Variants in ENPP2 observed in about 807,000 individuals in gnomAD.
The protein encoded by ENPP2 is ectonucleotide pyrophosphatase/phosphodiesterase 2, also known as autotaxin.
A neutral mutation model predicts 120.2 loss-of-function variants in ENPP2; 51 were observed. The ratio of observed to expected loss-of-function variants is 0.42; its 90% CI spans 0.34 to 0.54. The LOEUF (loss-of-function observed/expected upper bound fraction) is 0.54. ENPP2 is among the 20% of genes least tolerant of loss of function. ENPP2 has a pLI of 0.04. For missense variants in ENPP2, 920 were observed against 1,066.5 expected (o/e 0.86, Z 1.91); for synonymous variants, 365 against 366.4 (o/e 1.00, Z 0.04).
chr8:119,618,513 C>T (rs1042316166), intron 5 of ENPP2: 2 of 341,814 alleles, frequency 5.9e-6, no homozygotes, highest in South Asian at 2.3e-5. Context: ...TATAAAGGTT[C>T]CCATTCAGAA....
intron 21 of ENPP2, 101 bp downstream of exon 21, chr8:119,569,134 C>A: frequency 1.8e-6 from 2 of 1,127,514 alleles, no homozygotes; most frequent in Non-Finnish European, 2.6e-6. Flanking sequence ...CTTCTGAGCA[C>A]CCTCTCTTGA....
chr8:119,573,550 C>T (rs751365027), intron 19 of ENPP2, among the ~76,000 whole-genome samples: 4 of 152,032 alleles, frequency 2.6e-5, no homozygotes, highest in East Asian at 1.9e-4. Context: ...TAGTGGCTCA[C>T]GCCTGTAAGC....
intron 2 of ENPP2, among the ~76,000 whole-genome samples, chr8:119,636,273 C>G (rs1816995132): frequency 6.6e-6 from 1 of 152,154 alleles, no homozygotes. Flanking sequence ...CATTTAAACG[C>G]ATAAAGATAT....
At chr8:119,664,218 A>G (rs1158879280) in intron 1 of ENPP2, among the ~76,000 whole-genome samples, 1 of 151,932 alleles carries the variant, frequency 6.6e-6, no homozygotes, top group Admixed American at 6.6e-5. Context: ...GAGAAGGAAG[A>G]TGATATTTGA....
intron 10 of ENPP2, 88 bp from the exon 11 acceptor site, chr8:119,600,838 A>C (rs1814248931): frequency 1.2e-6 from 1 of 827,590 alleles, no homozygotes; most frequent in Non-Finnish European, 2.0e-6. Flanking sequence ...ATTTAAAAAA[A>C]AATGTTCTCA....
upstream of ENPP2, among the ~76,000 whole-genome samples, chr8:119,641,128 T>C (rs1206935340): frequency 6.6e-6 from 1 of 152,164 alleles, no homozygotes; most frequent in Non-Finnish European, 1.5e-5. Flanking sequence ...CATGTTAACA[T>C]GAACACATAC....
intron 1 of ENPP2, among the ~76,000 whole-genome samples, chr8:119,649,518 G>C (rs1817569384): frequency 6.6e-6 from 1 of 152,134 alleles, no homozygotes; most frequent in African/African-American, 2.4e-5. Context: ...AACCATTAGA[G>C]AGAATCACTG....
At chr8:119,631,019 C>A (rs1210346112) in intron 2 of ENPP2, among the ~76,000 whole-genome samples, 4 of 148,676 alleles carry the variant, frequency 2.7e-5, no homozygotes, top group African/African-American at 9.9e-5. Flanking sequence ...CTCAGCCTCC[C>A]GAGTAGCTGG....
At chr8:119,656,457 A>T (rs911301065) in intron 1 of ENPP2, among the ~76,000 whole-genome samples, 2 of 152,156 alleles carry the variant, frequency 1.3e-5, no homozygotes, top group Non-Finnish European at 2.9e-5. Flanking sequence ...AACAACTACC[A>T]TGTACCAAGA....
At chr8:119,660,261 C>T (rs920834371) in intron 1 of ENPP2, among the ~76,000 whole-genome samples, 5 of 152,200 alleles carry the variant, frequency 3.3e-5, no homozygotes, top group Non-Finnish European at 7.3e-5. Flanking sequence ...GTCTTGTGGA[C>T]CACATGTCAA....
At chr8:119,587,126 G>A (rs372734390) in intron 13 of ENPP2, 51 bp from the exon 14 acceptor site, 39 of 1,479,878 alleles carry the variant, frequency 2.6e-5, no homozygotes, top group Middle Eastern at 1.7e-4. Context: ...CCATTACCAA[G>A]AGAAATCATT....
At chr8:119,562,473 C>G (rs1302872029) in intron 24 of ENPP2, among the ~76,000 whole-genome samples, 1 of 152,088 alleles carries the variant, frequency 6.6e-6, no homozygotes, top group Non-Finnish European at 1.5e-5. Flanking sequence ...TTTAAACATC[C>G]AGAAAAGTGA....
chr8:119,665,687 T>C (rs2130906527), intron 1 of ENPP2, among the ~76,000 whole-genome samples: 1 of 152,348 alleles, frequency 6.6e-6, no homozygotes, highest in Middle Eastern at 3.4e-3. Flanking sequence ...TTTATAGGAC[T>C]AATAAGTATA....
chr8:119,587,372 G>T (rs780745749), intron 13 of ENPP2, among the ~76,000 whole-genome samples: 7 of 152,130 alleles, frequency 4.6e-5, no homozygotes, highest in Non-Finnish European at 1.0e-4. Context: ...ATTGCTTCTT[G>T]TTTTAAGTTC....
At chr8:119,568,306 TA>T (rs5894486) in intron 21 of ENPP2, 54 bp from the exon 22 acceptor site, 1,872 of 680,632 alleles carry the variant, frequency 2.8e-3, no homozygotes, top group South Asian at 3.4e-3. Context: ...CTATATCAGT[TA>T]AAAAAAAAAG....
At position 119,655,445 on chromosome 8, in the gene ENPP2, ACT is replaced by A. The variant is rs141714538; in HGVS notation, c.22-16920_22-16919del. 6.8e-3 allele frequency among the ~76,000 whole-genome samples: 1,036 copies of A among 152,070 alleles called. 7 individuals carry two copies. Among genetic ancestry groups the A allele is most frequent in the African/African-American group, 0.024 (1,002 of 41,470 alleles). On this transcript the variant is annotated intron_variant, in intron 1 of 25. Transcript: ENST00000427067. Reference sequence around the variant, plus strand: ...AACTTGTTAATTGCTGAAAATCTGGACTCTCTGGCTTGTTTAGAATCATGACT... The same window carrying A: ...AACTTGTTAATTGCTGAAAATCTGGACTCTGGCTTGTTTAGAATCATGACT...
chr8:119,629,636 A>C (rs575028538), intron 2 of ENPP2, among the ~76,000 whole-genome samples: 72 of 152,346 alleles, frequency 4.7e-4, no homozygotes, highest in African/African-American at 1.6e-3. Context: ...GGATTTTGAA[A>C]GACATACAAA....
At chr8:119,637,749 G>A (rs1232499429) in intron 2 of ENPP2, among the ~76,000 whole-genome samples, 2 of 152,134 alleles carry the variant, frequency 1.3e-5, no homozygotes, top group Admixed American at 6.5e-5. Context: ...TCTGCACAAG[G>A]AGCTCCTTTA....
At chr8:119,588,725 G>A (rs16892827) in intron 13 of ENPP2, among the ~76,000 whole-genome samples, 12,686 of 151,966 alleles carry the variant, frequency 0.083, 588 homozygotes, top group South Asian at 0.16. Flanking sequence ...TCAAAGGGAC[G>A]AAATAAAGTA....
Sources: allele counts gnomAD v4.1 joint callset (sites outside exome capture counted in the v4.1 genomes callset), GRCh38; gene constraint gnomAD v4.1.1; transcripts MANE v1.5; gene names NCBI Gene and HGNC (gene_info 2026-07-23, HGNC 2026-07-21).